The following SYCP2L variants were observed in gnomAD, a reference collection of about 807,000 sequenced individuals.
SYCP2L encodes the protein synaptonemal complex protein 2-like.
A neutral mutation model predicts 125.8 loss-of-function variants in SYCP2L; 98 were observed. That is an observed-to-expected ratio of 0.78 (90% CI 0.66 to 0.92). The LOEUF is 0.92. Ranked by LOEUF, SYCP2L falls within the 40% of genes least tolerant of loss-of-function variation. The pLI is 0.00. For synonymous variants in SYCP2L, 317 were observed against 325.4 expected, an observed-to-expected ratio of 0.97 and a Z score of 0.28; for missense variants, 842 against 936.4, an observed-to-expected ratio of 0.90 and a Z score of 1.32.
chr6:10,960,120 G>T (rs1179057337), intron 26 of SYCP2L, among the ~76,000 whole-genome samples: 1 of 152,206 alleles, frequency 6.6e-6, no homozygotes, highest in Admixed American at 6.5e-5. Flanking sequence ...GAATGGCACA[G>T]GGAAGGTGAG....
chr6:10,955,815 CT>C (rs1184355348), intron 24 of SYCP2L, among the ~76,000 whole-genome samples: 5 of 152,304 alleles, frequency 3.3e-5, no homozygotes, highest in African/African-American at 1.2e-4. Flanking sequence ...CACCAGACCC[CT>C]TGCAAGCCCT....
At chr6:10,959,925 G>C (rs6918936) in intron 26 of SYCP2L, among the ~76,000 whole-genome samples, 82,819 of 150,654 alleles carry the variant, frequency 0.55, 23,665 homozygotes, top group East Asian at 0.91. Context: ...ACAGTGCACA[G>C]ATTTGCACAT....
chr6:10,953,166 A>C (rs1274930036), intron 23 of SYCP2L, among the ~76,000 whole-genome samples: 2 of 152,064 alleles, frequency 1.3e-5, no homozygotes, highest in African/African-American at 4.8e-5. Context: ...TTTTGCTTTG[A>C]GATCATCCTT....
chr6:10,896,972 G>T, intron 4 of SYCP2L, among the ~76,000 whole-genome samples: 1 of 152,124 alleles, frequency 6.6e-6, no homozygotes, highest in Non-Finnish European at 1.5e-5. Context: ...AGAGTTGTTC[G>T]TCAGAAACTC....
intron 21 of SYCP2L, among the ~76,000 whole-genome samples, chr6:10,937,467 T>C (rs1781120160): frequency 6.6e-6 from 1 of 152,064 alleles, no homozygotes; most frequent in South Asian, 2.1e-4. Flanking sequence ...TAGCAATAAA[T>C]ACCTACCTTA....
At chr6:10,955,708 A>G (rs1781493566) in intron 24 of SYCP2L, among the ~76,000 whole-genome samples, 1 of 152,202 alleles carries the variant, frequency 6.6e-6, no homozygotes, top group Non-Finnish European at 1.5e-5. Flanking sequence ...TGAGCATGCA[A>G]GACTTATGCA....
chr6:10,926,339 A>G lies in SYCP2L; in HGVS notation c.1219A>G (p.Met407Val). 1 of 1,611,282 alleles carries G rather than the reference A, an allele frequency of 6.2e-7. No individual in the cohort carries two copies. The highest frequency in any genetic ancestry group is 8.5e-7 in the Non-Finnish European group (1 of 1,178,448). The change falls in exon 16 of 30, where the codon ATG becomes GTG. Residue 407 changes from methionine (M) to valine (V), a missense_variant and splice_region_variant. Physicochemically the swap from Met to Val is conservative, Grantham distance 21. Coordinates refer to ENST00000283141, the MANE Select transcript of SYCP2L (RefSeq NM_001040274.3). ...SIQALGEDKQ[M>V]LPDQTKISSE... ...AGTTGACCTTTGTCTTGCATTTCAG[A>G]TGTTGCCTGACCAGACGAAAATCTC...
chr6:10,896,572 G>T (rs1411222390), intron 4 of SYCP2L, among the ~76,000 whole-genome samples: 1 of 152,088 alleles, frequency 6.6e-6, no homozygotes, highest in Admixed American at 6.6e-5. Context: ...CTGCGTAGAG[G>T]GACATTTCTT....
At chr6:10,910,682 T>G (rs960567938) in intron 11 of SYCP2L, 142 bp from the exon 12 acceptor site, 7 of 846,092 alleles carry the variant, frequency 8.3e-6, no homozygotes, top group Non-Finnish European at 1.2e-5. Flanking sequence ...GGTCTCCATT[T>G]GCAGGCTTGA....
rs955620582 is a variant in SYCP2L, at chr6:10,954,701, C to T, written c.1955-415C>T. ...GCCTTCAGCATAGCGCCGATGTGCC[C>T]GTGTCACCAGCAGATGGCGCGCTCC... On this transcript the variant is annotated intron_variant, in intron 23 of 29. Transcript: ENST00000283141. The surrounding 1 kb of genome is among the most constrained non-coding windows in gnomAD (Gnocchi z 4.8). 1.3e-4 allele frequency among the ~76,000 whole-genome samples: 20 copies of T among 152,310 alleles called. No homozygotes were observed. The highest frequency in any genetic ancestry group is 2.6e-4 in the African/African-American group (11 of 41,574).
chr6:10,913,467 C>G (rs1780641723), intron 14 of SYCP2L, among the ~76,000 whole-genome samples: 1 of 152,046 alleles, frequency 6.6e-6, no homozygotes, highest in African/African-American at 2.4e-5. Flanking sequence ...TTGCATTCCC[C>G]TGATCATTAG....
rs1168270606 is a variant in SYCP2L, at chr6:10,913,835, A to AT, written c.1072+921dup. Reference sequence around the variant, plus strand: ...GGTTTTTCCAATGTTATCTTCTAGAATTTTTTTTTTTTTGAAGTGGAGTTT... The same window carrying AT: ...GGTTTTTCCAATGTTATCTTCTAGAATTTTTTTTTTTTTTGAAGTGGAGTTT... On this transcript the variant is annotated intron_variant, in intron 14 of 29. Transcript: ENST00000283141. Among the ~76,000 whole-genome samples the AT allele has an allele frequency of 6.6e-3, 966 of 146,224 alleles. 8 individuals carry two copies. The highest frequency in any genetic ancestry group is 0.012 in the African/African-American group (475 of 40,136).
chr6:10,967,457 GTGTGTGTGTGTGT>G (rs1781701886), intron 29 of SYCP2L, among the ~76,000 whole-genome samples: 3 of 134,240 alleles, frequency 2.2e-5, no homozygotes, highest in Admixed American at 7.0e-5. Flanking sequence ...GGTAGAGGGT[GTGTGTGTGTGTGT>G]GTGTGTGTGT....
intron 14 of SYCP2L, among the ~76,000 whole-genome samples, chr6:10,921,076 A>G (rs1191832274): frequency 5.3e-5 from 8 of 152,064 alleles, no homozygotes; most frequent in Non-Finnish European, 8.8e-5. Flanking sequence ...GTTCCCCGCA[A>G]TGTGTCCATG....
At chr6:10,909,112 T>C (rs1260793955) in intron 10 of SYCP2L, among the ~76,000 whole-genome samples, 1 of 130,796 alleles carries the variant, frequency 7.6e-6, no homozygotes, top group African/African-American at 2.8e-5. Context: ...AACTTCTCAA[T>C]TGAATTTTTT....
At chr6:10,966,205 T>C (rs1318530776) in intron 29 of SYCP2L, among the ~76,000 whole-genome samples, 1 of 152,162 alleles carries the variant, frequency 6.6e-6, no homozygotes, top group East Asian at 1.9e-4. Context: ...AGCAGCATAT[T>C]GTCATGACCA....
In SYCP2L at chr6:10,912,828, GT is replaced by G. The variant is rs1482495947; in HGVS notation, c.1012-35del. 1.2e-6 allele frequency: 2 copies of G among 1,610,416 alleles called. No individual in the cohort carries two copies. The highest frequency in any genetic ancestry group is 2.7e-5 in the African/African-American group (2 of 74,838). ...AGAGATCTTTTTTATGTAAGTATGT[GT>G]TTTGCACTCATGAATTTCACTTATT... On this transcript the variant is annotated intron_variant, in intron 13 of 29. Transcript: ENST00000283141. The surrounding 1 kb of genome is among the most constrained non-coding windows in gnomAD (Gnocchi z 4.1).
intron 14 of SYCP2L, among the ~76,000 whole-genome samples, chr6:10,918,327 CTGGGGAAGTTTTCCTTGAT>C (rs1391297123): frequency 1.3e-5 from 2 of 151,988 alleles, no homozygotes; most frequent in Non-Finnish European, 2.9e-5. Flanking sequence ...TCTAGCAAAG[CTGGGGAAGTTTTCCTTGAT>C]TATTCCCCCA....
chr6:10,940,888 A>G (rs182168337), intron 21 of SYCP2L, among the ~76,000 whole-genome samples: 4 of 152,290 alleles, frequency 2.6e-5, no homozygotes, highest in Admixed American at 6.5e-5. Context: ...GAAGAATCAC[A>G]AGATTGAGGT....
Sources: allele counts gnomAD v4.1 joint callset (sites outside exome capture counted in the v4.1 genomes callset), GRCh38; gene constraint gnomAD v4.1.1; non-coding constraint Gnocchi (gnomAD v3.1); transcripts MANE v1.5; gene names NCBI Gene and HGNC (gene_info 2026-07-23, HGNC 2026-07-21).